The following ADAM23 variants were observed in gnomAD, a reference collection of about 807,000 sequenced individuals.
ADAM23 encodes the protein disintegrin and metalloproteinase domain-containing protein 23.
A neutral mutation model predicts 120.1 loss-of-function variants in ADAM23; 33 were observed. That is an observed-to-expected ratio of 0.27 (90% CI 0.21 to 0.37). The LOEUF (loss-of-function observed/expected upper bound fraction) is 0.37, where lower values mean the gene tolerates loss of function less well. Among genes scored for constraint, ADAM23 ranks in the 10% least tolerant of loss-of-function variants. ADAM23 has a pLI of 1.00. For missense variants in ADAM23, 862 were observed against 1,058.2 expected, an observed-to-expected ratio of 0.81 and a Z score of 2.57; for synonymous variants, 367 against 375.2, an observed-to-expected ratio of 0.98 and a Z score of 0.25.
intron 6 of ADAM23, 85 bp downstream of exon 6, chr2:206,543,401 T>A: frequency 8.6e-7 from 1 of 1,164,094 alleles, no homozygotes; most frequent in Non-Finnish European, 1.3e-6. Flanking sequence ...AGAGTGTAGA[T>A]TTCAAAGTGC....
chr2:206,611,176 A>G (rs1313079988), intron 25 of ADAM23, among the ~76,000 whole-genome samples: 1 of 152,238 alleles, frequency 6.6e-6, no homozygotes, highest in Non-Finnish European at 1.5e-5. Flanking sequence ...GAGTAAGTCT[A>G]CAGTTTTGGA....
chr2:206,544,880 C>G (rs1697364182), intron 6 of ADAM23, among the ~76,000 whole-genome samples: 1 of 152,042 alleles, frequency 6.6e-6, no homozygotes, highest in Non-Finnish European at 1.5e-5. Flanking sequence ...CAAGAGAAGA[C>G]AAGTGGTGAA....
At chr2:206,565,301 TAAAG>T (rs944409164) in intron 14 of ADAM23, among the ~76,000 whole-genome samples, 4 of 152,196 alleles carry the variant, frequency 2.6e-5, no homozygotes, top group African/African-American at 4.8e-5. Flanking sequence ...TATTAACCCT[TAAAG>T]GAAGCACATG....
intron 18 of ADAM23, among the ~76,000 whole-genome samples, chr2:206,578,056 T>C (rs904365575): frequency 2.0e-5 from 3 of 152,224 alleles, no homozygotes; most frequent in Non-Finnish European, 4.4e-5. Context: ...CTGCACAAGG[T>C]TTTTTTCTAA....
chr2:206,507,267 G>A (rs889641724), intron 3 of ADAM23, among the ~76,000 whole-genome samples: 1 of 152,212 alleles, frequency 6.6e-6, no homozygotes, highest in Non-Finnish European at 1.5e-5. Context: ...CCCAGTGGTG[G>A]AGGTGGGGCC....
intron 18 of ADAM23, among the ~76,000 whole-genome samples, chr2:206,574,490 C>T (rs1382559747): frequency 6.6e-6 from 1 of 151,188 alleles, no homozygotes; most frequent in African/African-American, 2.4e-5. Flanking sequence ...TGATTTATAC[C>T]CAACTAATTG....
At chr2:206,549,245 T>A (rs954842336) in intron 8 of ADAM23, among the ~76,000 whole-genome samples, 1 of 150,014 alleles carries the variant, frequency 6.7e-6, no homozygotes, top group East Asian at 1.9e-4. Flanking sequence ...GAAACTCTTA[T>A]GATAATTATG....
intron 3 of ADAM23, among the ~76,000 whole-genome samples, chr2:206,497,781 A>G (rs532723549): frequency 5.4e-4 from 83 of 152,306 alleles, no homozygotes; most frequent in Non-Finnish European, 1.0e-3. Flanking sequence ...AATCTCCTTA[A>G]GCTGATAAGC....
rs148215297 is a variant in ADAM23, at chr2:206,492,152, A to G, written c.509+10844A>G. ...AGAAGTACTGTGATGGGGAAAGTAC[A>G]GGATGTTTTTATCCCACATAGGAGG... On this transcript the variant is annotated intron_variant, in intron 3 of 25. Transcript: ENST00000264377. Among the ~76,000 whole-genome samples the G allele has an allele frequency of 3.2e-3, 491 of 152,348 alleles. 1 individual carries two copies. The highest frequency in any genetic ancestry group is 0.014 in the Middle Eastern group (4 of 294).
intron 9 of ADAM23, among the ~76,000 whole-genome samples, chr2:206,550,893 G>T (rs549228783): frequency 6.6e-6 from 1 of 152,174 alleles, no homozygotes; most frequent in African/African-American, 2.4e-5. Context: ...GAGCCACCGC[G>T]CCCGGCGACT....
intron 2 of ADAM23, among the ~76,000 whole-genome samples, chr2:206,463,185 A>G (rs991728808): frequency 6.6e-6 from 1 of 152,206 alleles, no homozygotes; most frequent in African/African-American, 2.4e-5. Context: ...GGCAGAAGAC[A>G]CTTTGTAGAT....
Position 206,567,438 on chromosome 2 carries a change from T to G in ADAM23, c.1494+116T>G, listed in dbSNP as rs16838354. 3.1e-3 allele frequency: 2,176 copies of G among 705,308 alleles called. 52 individuals carry two copies. The East Asian group carries it at 0.055, about 18-fold the overall frequency. 43.7% of individuals were successfully genotyped at this position (705,308 alleles called of 1,614,324 possible). A position where few individuals can be genotyped will look rare whatever the true frequency, so the allele number is the denominator to read the frequency against. ...AAAGCAGGTTTCTTGTCAATCAGAT[T>G]AATATTTAGTTATAAAAGTCCTTAT... On this transcript the variant is annotated intron_variant, in intron 15 of 25. Coordinates refer to ENST00000264377, the MANE Select transcript of ADAM23 (RefSeq NM_003812.4).
intron 21 of ADAM23, among the ~76,000 whole-genome samples, chr2:206,590,661 G>T (rs932993438): frequency 6.6e-6 from 1 of 152,122 alleles, no homozygotes; most frequent in Non-Finnish European, 1.5e-5. Flanking sequence ...GCCACAGTAG[G>T]CAACAAATCT....
At chr2:206,463,099 G>A (rs192135209) in intron 2 of ADAM23, among the ~76,000 whole-genome samples, 2 of 152,216 alleles carry the variant, frequency 1.3e-5, no homozygotes, top group Non-Finnish European at 2.9e-5. Context: ...GAAGAGGAGA[G>A]GAGTTATAGT....
intron 2 of ADAM23, 36 bp downstream of exon 2, chr2:206,445,560 A>G (rs754358423): frequency 3.3e-6 from 5 of 1,534,026 alleles, no homozygotes; most frequent in Middle Eastern, 1.7e-4. Flanking sequence ...AGTAACTATC[A>G]TGAAGAGTTT....
intron 2 of ADAM23, among the ~76,000 whole-genome samples, chr2:206,447,041 C>G (rs1305260335): frequency 6.6e-6 from 1 of 152,180 alleles, no homozygotes. Context: ...AAGCCTGTTT[C>G]AAAGAATGCT....
chr2:206,544,588 T>C (rs1161642266), intron 6 of ADAM23, among the ~76,000 whole-genome samples: 1 of 150,732 alleles, frequency 6.6e-6, no homozygotes, highest in East Asian at 2.0e-4. Flanking sequence ...GGAGAAAAAG[T>C]GAAGCCAGGA....
At chr2:206,485,736 C>T (rs1229831836) in intron 3 of ADAM23, among the ~76,000 whole-genome samples, 1 of 152,158 alleles carries the variant, frequency 6.6e-6, no homozygotes, top group Non-Finnish European at 1.5e-5. Flanking sequence ...TTGTGCCTTC[C>T]CTTTTAGAGC....
At chr2:206,465,271 C>T (rs1352268613) in intron 2 of ADAM23, among the ~76,000 whole-genome samples, 1 of 152,116 alleles carries the variant, frequency 6.6e-6, no homozygotes, top group Non-Finnish European at 1.5e-5. Flanking sequence ...AACTCCTTGC[C>T]TTAATTCATC....
Sources: gnomAD v4.1 joint callset for allele counts (sites outside exome capture counted in the v4.1 genomes callset) on GRCh38, gnomAD v4.1.1 for gene constraint, MANE v1.5 for transcripts, NCBI Gene and HGNC (gene_info 2026-07-23, HGNC 2026-07-21) for gene names.